ZFHX3: variants seen among roughly 807,000 people sequenced by gnomAD.
The protein encoded by ZFHX3 is zinc finger homeobox protein 3.
A neutral mutation model predicts 279.1 loss-of-function variants in ZFHX3; 42 were observed. The observed-to-expected ratio is 0.15, with a 90% CI of 0.12 to 0.19. The LOEUF (loss-of-function observed/expected upper bound fraction) is 0.19. Ranked by LOEUF, ZFHX3 falls within the 10% of genes least tolerant of loss-of-function variation. ZFHX3 has a pLI of 1.00. For missense variants in ZFHX3, 4,981 were observed against 4,754.0 expected (o/e 1.05, Z -1.40); for synonymous variants, 2,293 against 1,957.8 (o/e 1.17, Z -4.52).
rs771208225 is a variant in ZFHX3, at chr16:73,127,384, C to G, written c.-897+3584G>C. 91 of 1,305,348 alleles carry G rather than the reference C, an allele frequency of 7.0e-5. No individual in the cohort carries two copies. The Admixed American group carries it at 2.0e-3, about 29-fold the overall frequency. 80.9% of individuals were successfully genotyped at this position (1,305,348 alleles called of 1,614,324 possible). ...TTCCACTTAACTGAATGGCTGCTAACTAAATATTTTTGGGGCCAGAGCCTT... is the reference window on the plus strand; with the variant it reads ...TTCCACTTAACTGAATGGCTGCTAAGTAAATATTTTTGGGGCCAGAGCCTT... On this transcript the variant is annotated intron_variant, in intron 7 of 17. Coordinates refer to the ZFHX3 transcript ENST00000641206.
chr16:73,249,778 C>A (rs527528832), intron 5 of ZFHX3, among the ~76,000 whole-genome samples: 2 of 149,476 alleles, frequency 1.3e-5, no homozygotes, highest in East Asian at 2.0e-4. Context: ...AGAAAAAAAA[C>A]CCAGTTAACT....
intron 2 of ZFHX3, among the ~76,000 whole-genome samples, chr16:73,518,180 T>C (rs1293990391): frequency 6.6e-6 from 1 of 152,208 alleles, no homozygotes; most frequent in East Asian, 1.9e-4. Flanking sequence ...GTCTCAGGGA[T>C]ACAGGCAGGT....
chr16:73,276,287 G>A (rs899574771), intron 4 of ZFHX3, among the ~76,000 whole-genome samples: 1 of 151,328 alleles, frequency 6.6e-6, no homozygotes, highest in African/African-American at 2.4e-5. Flanking sequence ...GGGTTCAAGC[G>A]ATTCTCTTGC....
chr16:73,269,751 C>A (rs1043535835), intron 4 of ZFHX3, among the ~76,000 whole-genome samples: 1 of 151,190 alleles, frequency 6.6e-6, no homozygotes, highest in African/African-American at 2.4e-5. Flanking sequence ...TTTTGCTTTT[C>A]TTTATTTTTT....
At chr16:73,428,657 C>T (rs954012897) in intron 3 of ZFHX3, among the ~76,000 whole-genome samples, 1 of 151,844 alleles carries the variant, frequency 6.6e-6, no homozygotes, top group Non-Finnish European at 1.5e-5. Context: ...CCTCCTCCCT[C>T]CCCACCATAA....
chr16:72,853,926 C>T (rs1334781447), intron 4 of ZFHX3, among the ~76,000 whole-genome samples: 1 of 150,148 alleles, frequency 6.7e-6, no homozygotes, highest in African/African-American at 2.5e-5. Context: ...TTATGGCCTC[C>T]GCTGTTTATT....
intron 4 of ZFHX3, among the ~76,000 whole-genome samples, chr16:73,264,710 C>G (rs28447252): frequency 0.65 from 98,203 of 151,770 alleles, 32,535 homozygotes; most frequent in Middle Eastern, 0.83. Context: ...AACCCAGTTT[C>G]TAGTCCTTTA....
chr16:73,337,144 A>C (rs1436163540), intron 3 of ZFHX3, among the ~76,000 whole-genome samples: 1 of 152,180 alleles, frequency 6.6e-6, no homozygotes, highest in Non-Finnish European at 1.5e-5. Flanking sequence ...TGTTAGTCCC[A>C]GGCTTTCAAT....
chr16:73,617,664 T>A (rs2143896426), intron 2 of ZFHX3, among the ~76,000 whole-genome samples: 1 of 152,158 alleles, frequency 6.6e-6, no homozygotes, highest in South Asian at 2.1e-4. Flanking sequence ...AAAGGTATTG[T>A]CTTTGTTAGG....
chr16:73,703,676 C>T (rs1037517101), intron 1 of ZFHX3, among the ~76,000 whole-genome samples: 11 of 152,032 alleles, frequency 7.2e-5, no homozygotes, highest in African/African-American at 2.7e-4. Flanking sequence ...TTAAGAGTCC[C>T]GGGAGGTGCC....
intron 2 of ZFHX3, among the ~76,000 whole-genome samples, chr16:73,646,179 G>A (rs2142160660): frequency 6.6e-6 from 1 of 152,222 alleles, no homozygotes. Context: ...ATGAAATTGG[G>A]AACAGTAACA....
At chr16:73,881,243 A>T (rs959986955) in intron 1 of ZFHX3, among the ~76,000 whole-genome samples, 4 of 152,134 alleles carry the variant, frequency 2.6e-5, no homozygotes, top group Admixed American at 1.3e-4. Context: ...TTTTCACATA[A>T]TGGATGGGGC....
chr16:72,871,426 C>CT (rs2038158517), intron 4 of ZFHX3, among the ~76,000 whole-genome samples: 1 of 151,588 alleles, frequency 6.6e-6, no homozygotes, highest in African/African-American at 2.4e-5. Context: ...ACTGCAACCT[C>CT]TGACTCACTG....
intron 5 of ZFHX3, among the ~76,000 whole-genome samples, chr16:73,218,768 C>T (rs2012302009): frequency 6.6e-6 from 1 of 151,942 alleles, no homozygotes; most frequent in Admixed American, 6.6e-5. Context: ...GACCCTGTCT[C>T]AAAAAATAAA....
chr16:73,377,838 C>T (rs1483803442), intron 3 of ZFHX3, among the ~76,000 whole-genome samples: 2 of 151,374 alleles, frequency 1.3e-5, no homozygotes, highest in Admixed American at 1.3e-4. Flanking sequence ...TTGAGATCAT[C>T]CTGGCTAACA....
At chr16:73,244,828 C>CT (rs2013231296) in intron 5 of ZFHX3, among the ~76,000 whole-genome samples, 1 of 152,194 alleles carries the variant, frequency 6.6e-6, no homozygotes, top group Non-Finnish European at 1.5e-5. Flanking sequence ...CTCACAAAGA[C>CT]TGATACATGG....
Position 73,459,441 on chromosome 16 carries a change from C to A in ZFHX3, c.-1546-3183G>T, listed in dbSNP as rs535826046. ...GCAGTAGCACTATCTTGGCTGACTG[C>A]AACCTCCACCTCCTGGGTTCAAGCA... On this transcript the variant is annotated intron_variant, in intron 2 of 17. Coordinates refer to the ZFHX3 transcript ENST00000641206. Among the ~76,000 whole-genome samples the A allele has an allele frequency of 1.4e-4, 21 of 152,288 alleles. No homozygotes were observed. In the South Asian group the frequency reaches 4.4e-3, roughly 32 times the overall value.
At chr16:73,053,849 G>A (rs562168087) in intron 1 of ZFHX3, among the ~76,000 whole-genome samples, 3 of 152,238 alleles carry the variant, frequency 2.0e-5, no homozygotes, top group African/African-American at 7.2e-5. Flanking sequence ...AATATGAACG[G>A]AAATGACGTC....
chr16:72,795,379 C>T lies in ZFHX3; in HGVS notation c.7303G>A (p.Ala2435Thr), dbSNP rs986079768. Reference protein sequence around the residue: ...AGDEKPKLAEAPSAQPNQTQE... With the variant: ...AGDEKPKLAETPSAQPNQTQE... ...GTTTGGTTTGGCTGTGCACTGGGAG[C>T]TTCCGCCAGCTTTGGTTTCTCATCG... Residue 2435 changes from alanine to threonine, a missense_variant, in exon 9 of 10, where the codon GCT (alanine) becomes ACT (threonine). Coordinates refer to ENST00000268489, the MANE Select transcript of ZFHX3 (RefSeq NM_006885.4). 1.2e-6 allele frequency: 2 copies of T among 1,614,122 alleles called. No individual in the cohort carries two copies. The highest frequency in any genetic ancestry group is 1.7e-5 in the Admixed American group (1 of 60,020).
Sources: allele counts gnomAD v4.1 joint callset (sites outside exome capture counted in the v4.1 genomes callset), GRCh38; gene constraint gnomAD v4.1.1; transcripts MANE v1.5; gene names NCBI Gene and HGNC (gene_info 2026-07-23, HGNC 2026-07-21).